The following SLC9A8 variants were observed in gnomAD, a reference collection of about 807,000 sequenced individuals.
The protein encoded by SLC9A8 is sodium/hydrogen exchanger 8.
Under a neutral mutation model 66.6 loss-of-function variants are expected in SLC9A8, and 48 were observed. The ratio of observed to expected loss-of-function variants is 0.72; its 90% CI spans 0.57 to 0.92. The LOEUF (loss-of-function observed/expected upper bound fraction) is 0.92. Ranked by LOEUF, SLC9A8 falls within the 40% of genes least tolerant of loss-of-function variation. The pLI is 0.00. For synonymous variants in SLC9A8, 274 were observed against 282.6 expected (o/e 0.97, Z 0.31); for missense variants, 599 against 747.3 (o/e 0.80, Z 2.31).
intron 12 of SLC9A8, among the ~76,000 whole-genome samples, chr20:49,879,719 G>A (rs1350156163): frequency 6.6e-6 from 1 of 151,906 alleles, no homozygotes; most frequent in African/African-American, 2.4e-5. Flanking sequence ...CAGCTACTAG[G>A]GAGGCTGAGG....
In SLC9A8 at chr20:49,866,701, TA is replaced by T. The variant is rs369773820; in HGVS notation, c.958+1858del. 7.5e-3 allele frequency among the ~76,000 whole-genome samples: 1,146 copies of T among 152,304 alleles called. 14 individuals are homozygous for T. The highest frequency in any genetic ancestry group is 0.026 in the African/African-American group (1,091 of 41,584). Reference sequence around the variant, plus strand: ...AAGCTTTTGCCCATTTCTTTATCAATATTTTTTTGTTCCGCCTTCCTCTTCC... The same window carrying T: ...AAGCTTTTGCCCATTTCTTTATCAATTTTTTTTGTTCCGCCTTCCTCTTCC... On this transcript the variant is annotated intron_variant, in intron 10 of 15. Coordinates refer to ENST00000361573, the MANE Select transcript of SLC9A8 (RefSeq NM_015266.3).
chr20:49,864,888 G>A (rs376625101), intron 10 of SLC9A8, 44 bp downstream of exon 10: 79 of 1,273,518 alleles, frequency 6.2e-5, no homozygotes, highest in Non-Finnish European at 8.3e-5. Flanking sequence ...ATGGCATCTT[G>A]TCCTGCCTGG....
At chr20:49,878,178 C>A in intron 12 of SLC9A8, 115 bp downstream of exon 12, 1 of 539,556 alleles carries the variant, frequency 1.9e-6, no homozygotes, top group Non-Finnish European at 3.1e-6. Flanking sequence ...GCTACATAGA[C>A]ACTCTTTTGT....
chr20:49,834,242 A>C (rs2087360704), intron 3 of SLC9A8, among the ~76,000 whole-genome samples: 1 of 139,536 alleles, frequency 7.2e-6, no homozygotes. Context: ...ATATACACAC[A>C]CTGTATATAC....
chr20:49,880,125 A>G (rs1164559527), intron 12 of SLC9A8, among the ~76,000 whole-genome samples: 1 of 152,136 alleles, frequency 6.6e-6, no homozygotes, highest in South Asian at 2.1e-4. Flanking sequence ...GTAGCCAGGC[A>G]TGGTGGTGCA....
intron 2 of SLC9A8, 71 bp downstream of exon 2, chr20:49,815,260 C>G (rs2086507624): frequency 1.5e-6 from 2 of 1,295,824 alleles, no homozygotes; most frequent in African/African-American, 3.0e-5. Flanking sequence ...GTGTTTAACC[C>G]TGTCACTCCT....
At chr20:49,878,121 C>A in intron 12 of SLC9A8, 58 bp downstream of exon 12, 1 of 1,030,070 alleles carries the variant, frequency 9.7e-7, no homozygotes, top group Non-Finnish European at 1.4e-6. Context: ...TCAATAAACA[C>A]ATGTTCCGGA....
intron 8 of SLC9A8, 137 bp downstream of exon 8, chr20:49,855,718 CTG>C (rs2088450104): frequency 2.4e-6 from 2 of 819,076 alleles, no homozygotes; most frequent in East Asian, 2.7e-5. Context: ...CTCTCTTTCT[CTG>C]TATTTCTGTC....
intron 10 of SLC9A8, among the ~76,000 whole-genome samples, chr20:49,871,163 T>A (rs2089192519): frequency 6.6e-6 from 1 of 152,258 alleles, no homozygotes. Context: ...TGGCAAAATA[T>A]GTTTATTATT....
At chr20:49,868,388 T>C (rs2089062600) in intron 10 of SLC9A8, among the ~76,000 whole-genome samples, 1 of 152,166 alleles carries the variant, frequency 6.6e-6, no homozygotes, top group African/African-American at 2.4e-5. Context: ...ACGCAGGGTT[T>C]TCAGAGAGGG....
chr20:49,858,775 T>C (rs2088611114), intron 8 of SLC9A8, among the ~76,000 whole-genome samples: 1 of 151,946 alleles, frequency 6.6e-6, no homozygotes, highest in Non-Finnish European at 1.5e-5. Flanking sequence ...CTTGCCAACG[T>C]GGTGAAACCC....
Position 49,884,077 on chromosome 20 carries a change from T to A in SLC9A8, c.1491+11T>A, listed in dbSNP as rs757553647. On this transcript the variant is annotated intron_variant, in intron 14 of 15. Transcript: ENST00000361573. ...AAGACTGAGAAGATGGTTAGTACCA[T>A]GCGCCTGTGGGGGTGGGGCAGGGGG... The A allele has an allele frequency of 1.3e-5, 21 of 1,611,822 alleles. No homozygotes were observed. The highest frequency in any genetic ancestry group is 1.7e-5 in the Non-Finnish European group (20 of 1,178,884).
At chr20:49,858,764 C>T (rs771614420) in intron 8 of SLC9A8, among the ~76,000 whole-genome samples, 7 of 151,870 alleles carry the variant, frequency 4.6e-5, no homozygotes, top group African/African-American at 7.3e-5. Context: ...TTGAGACCAG[C>T]CTTGCCAACG....
chr20:49,877,689 T>A lies in SLC9A8; in HGVS notation c.1076-292T>A, dbSNP rs548273307. ...CAGTGTTCAGCAGATTGACAGATTC[T>A]TGTGTTTATCATCTTCCCTGGGTGG... On this transcript the variant is annotated intron_variant, in intron 11 of 15. Coordinates refer to ENST00000361573, the MANE Select transcript of SLC9A8 (RefSeq NM_015266.3). 4.1e-4 allele frequency among the ~76,000 whole-genome samples: 63 copies of A among 152,368 alleles called. 1 individual carries two copies. The highest frequency in any genetic ancestry group is 1.4e-3 in the African/African-American group (57 of 41,592).
At chr20:49,887,608 A>T (rs1316992208) in intron 15 of SLC9A8, among the ~76,000 whole-genome samples, 1 of 152,136 alleles carries the variant, frequency 6.6e-6, no homozygotes, top group Non-Finnish European at 1.5e-5. Flanking sequence ...GCCTCAAGCC[A>T]TGCTCCCTCC....
chr20:49,874,547 G>A (rs1370179811), intron 10 of SLC9A8, among the ~76,000 whole-genome samples, 158 bp from the exon 11 acceptor site: 2 of 151,814 alleles, frequency 1.3e-5, no homozygotes, highest in Non-Finnish European at 2.9e-5. Flanking sequence ...GGGACCCATA[G>A]TATTTTTTCT....
chr20:49,878,340 CAG>C (rs1207498240), intron 12 of SLC9A8, among the ~76,000 whole-genome samples: 2 of 151,800 alleles, frequency 1.3e-5, no homozygotes, highest in Admixed American at 1.3e-4. Context: ...AATAAAAGTA[CAG>C]GTTTGTAAGT....
intron 4 of SLC9A8, among the ~76,000 whole-genome samples, chr20:49,840,059 T>C (rs1375085246): frequency 6.6e-6 from 1 of 152,216 alleles, no homozygotes; most frequent in Non-Finnish European, 1.5e-5. Flanking sequence ...TATTGTAATA[T>C]CATCACCTCG....
intron 14 of SLC9A8, 109 bp downstream of exon 14, chr20:49,884,175 G>GTGCTGGGC: frequency 1.3e-6 from 1 of 749,346 alleles, no homozygotes; most frequent in Non-Finnish European, 2.2e-6. Context: ...TTGCTTTGAG[G>GTGCTGGGC]ATGCCCAGCA....
Sources: gnomAD v4.1 joint callset for allele counts (sites outside exome capture counted in the v4.1 genomes callset) on GRCh38, gnomAD v4.1.1 for gene constraint, MANE v1.5 for transcripts, NCBI Gene and HGNC (gene_info 2026-07-23, HGNC 2026-07-21) for gene names.